Variants in DLG2 observed in about 807,000 individuals in gnomAD.
The protein encoded by DLG2 is discs large MAGUK scaffold protein 2.
A neutral mutation model predicts 132.5 loss-of-function variants in DLG2; 45 were observed. The observed-to-expected ratio is 0.34, with a 90% CI of 0.27 to 0.44. The LOEUF is 0.44. DLG2 is among the 20% of genes least tolerant of loss of function. The pLI, the probability that DLG2 is intolerant of heterozygous loss-of-function variation, is 1.00. For missense variants in DLG2, 1,045 were observed against 1,196.9 expected (o/e 0.87, Z 1.87); for synonymous variants, 424 against 419.6 (o/e 1.01, Z -0.13).
At chr11:84,508,415 T>C (rs1403101746) in intron 7 of DLG2, among the ~76,000 whole-genome samples, 2 of 139,762 alleles carry the variant, frequency 1.4e-5, no homozygotes, top group East Asian at 4.0e-4. Flanking sequence ...TTTTTTTTTT[T>C]CTCTTTTTTA....
Position 84,484,386 on chromosome 11 carries a change from C to T in DLG2, c.519+50184G>A, listed in dbSNP as rs142390311. Among the ~76,000 whole-genome samples, 8 of 152,146 alleles carry T rather than the reference C, an allele frequency of 5.3e-5. 1 individual carries two copies. Among genetic ancestry groups the T allele is most frequent in the African/African-American group, 1.4e-4 (6 of 41,528 alleles). On this transcript the variant is annotated intron_variant, in intron 7 of 27. Coordinates refer to ENST00000376104, the MANE Select transcript of DLG2 (RefSeq NM_001142699.3). ...TACTCACCACTCACTGTGGACACAA[C>T]GTTTGAGAGATAAATCCATCTTAGA... is the stretch of plus-strand genomic sequence containing the variant.
At position 84,354,672 on chromosome 11, in the gene DLG2, C is replaced by A. The variant is rs1567380555; in HGVS notation, c.520-103381G>T. 3.9e-5 allele frequency among the ~76,000 whole-genome samples: 6 copies of A among 152,256 alleles called. No individual in the cohort carries two copies. In the South Asian group the frequency reaches 8.3e-4, roughly 21 times the overall value. On this transcript the variant is annotated intron_variant, in intron 7 of 27. Coordinates refer to ENST00000376104, the MANE Select transcript of DLG2 (RefSeq NM_001142699.3). The stretch of plus-strand genomic sequence containing the variant: ...TAGAACCATCTGTCAAACCCTAGAT[C>A]TACCACTTTACATCACACCAGCCAC...
At chr11:83,500,321 T>C (rs1332572040) in intron 21 of DLG2, among the ~76,000 whole-genome samples, 2 of 152,112 alleles carry the variant, frequency 1.3e-5, no homozygotes, top group Non-Finnish European at 2.9e-5. Context: ...GGTGCCGTCA[T>C]TCTGAACACA....
intron 7 of DLG2, among the ~76,000 whole-genome samples, chr11:84,259,436 T>C (rs187955358): frequency 6.6e-5 from 10 of 152,276 alleles, no homozygotes; most frequent in Admixed American, 6.5e-4. Flanking sequence ...TATCATCCAG[T>C]GGCTTTGGCT....
intron 6 of DLG2, among the ~76,000 whole-genome samples, chr11:84,674,276 AC>A (rs2099709052): frequency 6.6e-6 from 1 of 152,154 alleles, no homozygotes; most frequent in Non-Finnish European, 1.5e-5. Context: ...AGCTCCTCAC[AC>A]AGTCTACTTG....
intron 16 of DLG2, among the ~76,000 whole-genome samples, chr11:83,868,920 C>T (rs1400101813): frequency 6.6e-6 from 1 of 152,156 alleles, no homozygotes; most frequent in African/African-American, 2.4e-5. Context: ...ATAGAGATGA[C>T]TCAAGCCAAC....
chr11:84,722,550 C>G (rs2061951239), intron 6 of DLG2, among the ~76,000 whole-genome samples: 1 of 152,176 alleles, frequency 6.6e-6, no homozygotes, highest in South Asian at 2.1e-4. Flanking sequence ...TCATAATTCT[C>G]TATGATGCTT....
intron 14 of DLG2, among the ~76,000 whole-genome samples, chr11:83,942,038 C>T (rs2082773007): frequency 6.6e-6 from 1 of 152,110 alleles, no homozygotes; most frequent in South Asian, 2.1e-4. Flanking sequence ...ATCTGTTCTA[C>T]AAAACTGAGT....
At chr11:84,287,435 A>T (rs2097920743) in intron 7 of DLG2, among the ~76,000 whole-genome samples, 1 of 152,136 alleles carries the variant, frequency 6.6e-6, no homozygotes, top group Non-Finnish European at 1.5e-5. Flanking sequence ...TGGACTTCTT[A>T]GGAATACTCT....
At chr11:85,162,199 C>T (rs1301702405) in intron 4 of DLG2, among the ~76,000 whole-genome samples, 6 of 152,100 alleles carry the variant, frequency 3.9e-5, no homozygotes, top group African/African-American at 9.7e-5. Context: ...TACTCCACAA[C>T]GGGAAGTAAG....
intron 19 of DLG2, among the ~76,000 whole-genome samples, chr11:83,578,685 A>G (rs2096921598): frequency 6.6e-6 from 1 of 152,232 alleles, no homozygotes; most frequent in Non-Finnish European, 1.5e-5. Context: ...CCCCAAATTT[A>G]TCCAGAGGAT....
intron 7 of DLG2, among the ~76,000 whole-genome samples, chr11:84,281,016 C>T (rs868424851): frequency 7.9e-5 from 12 of 151,700 alleles, no homozygotes; most frequent in Admixed American, 5.9e-4. Flanking sequence ...CCACCGTGCC[C>T]GGCCTAGATA....
intron 19 of DLG2, among the ~76,000 whole-genome samples, chr11:83,619,530 T>TA (rs1203150113): frequency 3.3e-5 from 5 of 152,144 alleles, no homozygotes; most frequent in Admixed American, 6.5e-5. Flanking sequence ...TCATTAACTG[T>TA]AAAATGGGAA....
At chr11:84,317,292 G>C (rs930609315) in intron 7 of DLG2, 48 of 1,442,876 alleles carry the variant, frequency 3.3e-5, no homozygotes, top group Non-Finnish European at 5.4e-6. Flanking sequence ...GCAGTGCATC[G>C]TGGGAGCAGT....
At chr11:84,558,019 T>C (rs1425242067) in intron 6 of DLG2, among the ~76,000 whole-genome samples, 1 of 152,168 alleles carries the variant, frequency 6.6e-6, no homozygotes, top group African/African-American at 2.4e-5. Flanking sequence ...AACGTGACTA[T>C]ATATCAGATT....
At chr11:83,699,979 G>T (rs983122663) in intron 18 of DLG2, among the ~76,000 whole-genome samples, 1 of 149,796 alleles carries the variant, frequency 6.7e-6, no homozygotes, top group Non-Finnish European at 1.5e-5. Flanking sequence ...ACAGTTTGCT[G>T]CATTTGCAAA....
chr11:84,473,497 G>T (rs764398992), intron 7 of DLG2, among the ~76,000 whole-genome samples: 3 of 151,968 alleles, frequency 2.0e-5, no homozygotes, highest in Non-Finnish European at 4.4e-5. Context: ...TGATGTCATT[G>T]ACAGAAACTA....
At chr11:85,537,413 G>A (rs1253087617) in intron 3 of DLG2, among the ~76,000 whole-genome samples, 1 of 152,136 alleles carries the variant, frequency 6.6e-6, no homozygotes, top group East Asian at 1.9e-4. Flanking sequence ...AAGCCTTTAT[G>A]AGCTGTAACA....
At chr11:85,444,327 T>C (rs1197846101) in intron 3 of DLG2, among the ~76,000 whole-genome samples, 1 of 152,152 alleles carries the variant, frequency 6.6e-6, no homozygotes. Flanking sequence ...GACCACGACA[T>C]TTGCAGCTAT....
Sources: gnomAD v4.1 joint callset for allele counts (sites outside exome capture counted in the v4.1 genomes callset) on GRCh38, gnomAD v4.1.1 for gene constraint, MANE v1.5 for transcripts, NCBI Gene and HGNC (gene_info 2026-07-23, HGNC 2026-07-21) for gene names.